Variants in PLAC1 observed in about 807,000 individuals in gnomAD.
The protein encoded by PLAC1 is placenta-specific protein 1.
For synonymous variants in PLAC1, 68 were observed against 62.1 expected (o/e 1.09, Z -0.44); for missense variants, 136 against 163.2 (o/e 0.83, Z 0.91).
chrX:134,697,088 A>G (rs894423380), intron 2 of PLAC1, among the ~76,000 whole-genome samples: 34 of 110,534 alleles, frequency 3.1e-4, no homozygotes, highest in African/African-American at 1.1e-3. Flanking sequence ...ACTTTCTTCC[A>G]AGGCACAAGT....
rs770245014 is a variant in PLAC1 at position 134,764,270 on chromosome X, G to A, written n.53C>T. The A allele has an allele frequency of 2.7e-5, 3 of 112,432 alleles. No homozygotes were observed. In the South Asian group the frequency reaches 1.1e-3, roughly 42 times the overall value. The allele number at this position is 112,432 out of a possible 1,213,427, so 9.3% of individuals were successfully genotyped here. A position where few individuals can be genotyped will look rare whatever the true frequency, so the allele number is the denominator to read the frequency against. On this transcript the variant is annotated non_coding_transcript_exon_variant, in exon 1 of 3. Coordinates refer to the PLAC1 transcript ENST00000466797. ...ACTCCTTGACAGACTCCTCGTGTAA[G>A]TTTTCCTCGGGAATGTCTGGAAGAC...
intron 1 of PLAC1, among the ~76,000 whole-genome samples, chrX:134,643,699 T>C (rs1044154414): frequency 2.0e-4 from 22 of 111,556 alleles, no homozygotes; most frequent in African/African-American, 6.2e-4. Context: ...ACTCATTTGC[T>C]CTTAGAAAGC....
chrX:134,642,513 G>A (rs1049185114), intron 1 of PLAC1, among the ~76,000 whole-genome samples: 1 of 111,281 alleles, frequency 9.0e-6, no homozygotes, highest in Non-Finnish European at 1.9e-5. Flanking sequence ...AGGGAAGAGA[G>A]ATAAAGCAGA....
intron 1 of PLAC1, among the ~76,000 whole-genome samples, chrX:134,640,151 CA>C (rs2078301625): frequency 9.0e-6 from 1 of 111,683 alleles, no homozygotes; most frequent in Admixed American, 9.5e-5. Context: ...GAGGAACCAT[CA>C]AACTATTTTT....
intron 2 of PLAC1, among the ~76,000 whole-genome samples, chrX:134,664,608 C>T (rs2078429777): frequency 1.8e-5 from 2 of 112,266 alleles, no homozygotes; most frequent in Admixed American, 1.9e-4. Context: ...GGCTTCCTGA[C>T]CTGGCTGTCC....
chrX:134,732,268 T>C (rs2078691044), intron 2 of PLAC1, among the ~76,000 whole-genome samples: 1 of 111,398 alleles, frequency 9.0e-6, no homozygotes, highest in Admixed American at 9.6e-5. Context: ...CATATCAATT[T>C]GAGCTAATGG....
chrX:134,654,846 G>T (rs1185987628), intron 1 of PLAC1, among the ~76,000 whole-genome samples: 2 of 112,426 alleles, frequency 1.8e-5, no homozygotes, highest in African/African-American at 6.5e-5. Context: ...AAAATGCACT[G>T]ATTGATACCC....
intron 2 of PLAC1, among the ~76,000 whole-genome samples, chrX:134,711,198 C>T (rs900476377): frequency 1.8e-5 from 2 of 111,986 alleles, no homozygotes; most frequent in African/African-American, 6.5e-5. Flanking sequence ...GAATGATAGT[C>T]TTCCCTTAGG....
chrX:134,720,086 T>C (rs1310401090), intron 2 of PLAC1, among the ~76,000 whole-genome samples: 1 of 111,438 alleles, frequency 9.0e-6, no homozygotes, highest in East Asian at 2.8e-4. Flanking sequence ...TGGCACAACC[T>C]TAGTTAGAAA....
chrX:134,627,292 A>C (rs940754664), intron 1 of PLAC1, among the ~76,000 whole-genome samples: 4 of 111,903 alleles, frequency 3.6e-5, no homozygotes, highest in African/African-American at 1.3e-4. Context: ...ATGACCAACT[A>C]ATTTATTTCT....
chrX:134,741,647 T>C (rs1020365453), intron 1 of PLAC1, among the ~76,000 whole-genome samples: 1 of 106,569 alleles, frequency 9.4e-6, no homozygotes, highest in Non-Finnish European at 1.9e-5. Flanking sequence ...AGAAGCACTG[T>C]ATATAGTTTG....
intron 1 of PLAC1, among the ~76,000 whole-genome samples, chrX:134,748,416 T>C (rs1182332094): frequency 9.0e-6 from 1 of 111,157 alleles, no homozygotes; most frequent in African/African-American, 3.3e-5. Context: ...CGAATTGCTT[T>C]AGAAGCTTCA....
intron 2 of PLAC1, among the ~76,000 whole-genome samples, chrX:134,722,805 TCTTA>T (rs757330857): frequency 9.0e-6 from 1 of 111,638 alleles, no homozygotes; most frequent in Admixed American, 9.6e-5. Flanking sequence ...ATTTTCTTCT[TCTTA>T]CTTATGTAAA....
At chrX:134,603,995 C>G (rs149666349) in intron 1 of PLAC1, among the ~76,000 whole-genome samples, 12 of 112,646 alleles carry the variant, frequency 1.1e-4, no homozygotes, top group Non-Finnish European at 2.1e-4. Flanking sequence ...AACCAAGACA[C>G]AGATTCACTA....
At chrX:134,580,256 G>A (rs774244576) in intron 2 of PLAC1, among the ~76,000 whole-genome samples, 14 of 112,093 alleles carry the variant, frequency 1.2e-4, no homozygotes, top group Non-Finnish European at 2.4e-4. Flanking sequence ...TAAACGTAGC[G>A]ACTGAGATTC....
intron 1 of PLAC1, among the ~76,000 whole-genome samples, chrX:134,624,985 G>A (rs182912204): frequency 1.6e-4 from 18 of 111,439 alleles, no homozygotes; most frequent in African/African-American, 5.9e-4. Context: ...TGTCTCCTAG[G>A]TGCAACTACA....
intron 1 of PLAC1, among the ~76,000 whole-genome samples, chrX:134,757,619 T>C (rs1327335244): frequency 8.9e-6 from 1 of 111,796 alleles, no homozygotes; most frequent in African/African-American, 3.2e-5. Flanking sequence ...ATCGGGAAAT[T>C]TGAATATGGG....
chrX:134,630,917 C>T (rs1477200314), intron 1 of PLAC1, among the ~76,000 whole-genome samples: 1 of 111,713 alleles, frequency 9.0e-6, no homozygotes, highest in African/African-American at 3.3e-5. Flanking sequence ...GAGGAATCCT[C>T]ATGTCTATTA....
At chrX:134,618,549 G>T (rs2078195864) in intron 1 of PLAC1, among the ~76,000 whole-genome samples, 1 of 111,625 alleles carries the variant, frequency 9.0e-6, no homozygotes, top group African/African-American at 3.3e-5. Flanking sequence ...GGGACTACAG[G>T]TGTGCACCAC....
Sources: gnomAD v4.1 joint callset for allele counts (sites outside exome capture counted in the v4.1 genomes callset) on GRCh38, gnomAD v4.1.1 for gene constraint, MANE v1.5 for transcripts, NCBI Gene and HGNC (gene_info 2026-07-23, HGNC 2026-07-21) for gene names.